Variants in TGFBR2 observed in about 807,000 individuals in gnomAD.
TGFBR2 encodes the protein transforming growth factor beta receptor 2.
In TGFBR2, 18 loss-of-function variants were observed where a neutral mutation model predicts 49.0. The observed-to-expected ratio is 0.37, with a 90% CI of 0.25 to 0.54. The LOEUF is 0.54. TGFBR2 is among the 20% of genes least tolerant of loss of function. The pLI, the probability that TGFBR2 is intolerant of heterozygous loss-of-function variation, is 0.85. For missense variants in TGFBR2, 525 were observed against 722.6 expected (o/e 0.73, Z 3.13); for synonymous variants, 282 against 275.9 (o/e 1.02, Z -0.22).
chr3:30,608,350 C>T (rs906998948), intron 1 of TGFBR2, among the ~76,000 whole-genome samples: 3 of 152,178 alleles, frequency 2.0e-5, no homozygotes, highest in African/African-American at 4.8e-5. Flanking sequence ...GTTTCCTCAT[C>T]TGTAAAATGG....
chr3:30,650,559 A>T (rs1386822689), intron 3 of TGFBR2, 99 bp downstream of exon 3: 1 of 1,296,248 alleles, frequency 7.7e-7, no homozygotes, highest in Non-Finnish European at 1.1e-6. Context: ...CCTGTGGTGG[A>T]TTGCATACAG....
intron 1 of TGFBR2, among the ~76,000 whole-genome samples, chr3:30,628,618 G>A (rs1434779970): frequency 1.5e-5 from 2 of 137,098 alleles, no homozygotes; most frequent in Admixed American, 1.6e-4. Flanking sequence ...TAATCTGTGT[G>A]CCTGGGCTCT....
At chr3:30,659,588 G>A (rs1417347075) in intron 3 of TGFBR2, among the ~76,000 whole-genome samples, 1 of 151,158 alleles carries the variant, frequency 6.6e-6, no homozygotes, top group Non-Finnish European at 1.5e-5. Context: ...GAGGCCAGAT[G>A]TGCTTTCTGG....
At chr3:30,620,629 T>C (rs1397724635) in intron 1 of TGFBR2, among the ~76,000 whole-genome samples, 1 of 152,176 alleles carries the variant, frequency 6.6e-6, no homozygotes, top group African/African-American at 2.4e-5. Flanking sequence ...TTTGATTCAT[T>C]TATTCTCTCA....
intron 2 of TGFBR2, among the ~76,000 whole-genome samples, chr3:30,645,985 C>T (rs1287143680): frequency 6.6e-6 from 1 of 152,136 alleles, no homozygotes; most frequent in Non-Finnish European, 1.5e-5. Context: ...TGTAATTTTA[C>T]AAAAGTACAT....
At chr3:30,640,187 A>G (rs1282940313) in intron 1 of TGFBR2, among the ~76,000 whole-genome samples, 4 of 152,208 alleles carry the variant, frequency 2.6e-5, no homozygotes, top group Non-Finnish European at 5.9e-5. Context: ...GAAGTGAAAT[A>G]TTATGGGCCA....
At chr3:30,667,691 G>A (rs1056840069) in intron 3 of TGFBR2, among the ~76,000 whole-genome samples, 2 of 152,146 alleles carry the variant, frequency 1.3e-5, no homozygotes, top group Non-Finnish European at 2.9e-5. Flanking sequence ...TAGCAAATAC[G>A]ACTGTTTTTA....
intron 1 of TGFBR2, among the ~76,000 whole-genome samples, chr3:30,616,384 A>G (rs1297477329): frequency 2.6e-5 from 4 of 152,328 alleles, no homozygotes. Context: ...GCAAAGATGT[A>G]ATTATCACAA....
At chr3:30,616,963 C>T (rs533501602) in intron 1 of TGFBR2, among the ~76,000 whole-genome samples, 1 of 152,108 alleles carries the variant, frequency 6.6e-6, no homozygotes, top group African/African-American at 2.4e-5. Context: ...TATTTTCATT[C>T]TCCCCTTCCT....
chr3:30,645,016 A>T (rs1460138932), intron 2 of TGFBR2, 101 bp downstream of exon 2: 1 of 1,087,814 alleles, frequency 9.2e-7, no homozygotes, highest in Non-Finnish European at 1.4e-6. Context: ...CTAAATGTAA[A>T]CACCTGTTCC....
At chr3:30,646,462 C>A (rs913315803) in intron 2 of TGFBR2, among the ~76,000 whole-genome samples, 1 of 152,082 alleles carries the variant, frequency 6.6e-6, no homozygotes, top group Non-Finnish European at 1.5e-5. Flanking sequence ...GAAGAGAGAT[C>A]GTGGGTTCTG....
chr3:30,617,790 T>G (rs1698158201), intron 1 of TGFBR2, among the ~76,000 whole-genome samples: 1 of 152,160 alleles, frequency 6.6e-6, no homozygotes, highest in Non-Finnish European at 1.5e-5. Flanking sequence ...CACTGAGAAT[T>G]TATTGGAAAT....
intron 1 of TGFBR2, among the ~76,000 whole-genome samples, chr3:30,631,018 G>A (rs571301936): frequency 1.3e-5 from 2 of 149,604 alleles, no homozygotes; most frequent in East Asian, 2.0e-4. Flanking sequence ...GGATTGCTAG[G>A]ACTTGGAAAG....
At chr3:30,658,280 A>C (rs1276966017) in intron 3 of TGFBR2, among the ~76,000 whole-genome samples, 1 of 152,218 alleles carries the variant, frequency 6.6e-6, no homozygotes, top group Non-Finnish European at 1.5e-5. Flanking sequence ...CTACACATTT[A>C]GCATACTAAT....
Position 30,672,562 on chromosome 3 carries a change from G to T in TGFBR2, c.1254+125G>T, listed in dbSNP as rs1699363257. On this transcript the variant is annotated intron_variant, in intron 4 of 6. Transcript: ENST00000295754. This position sits in a 1 kb window ranked among gnomAD's most constrained non-coding sequence, Gnocchi z 4.5. ...TCTGGACACTGGTCTAGGGAATCTAGCCAAAGTATGGAGTCTGCCTTGAGC... is the reference window on the plus strand; with the variant it reads ...TCTGGACACTGGTCTAGGGAATCTATCCAAAGTATGGAGTCTGCCTTGAGC... 1.9e-6 allele frequency: 2 copies of T among 1,078,294 alleles called. No homozygotes were observed. The highest frequency in any genetic ancestry group is 2.5e-5 in the South Asian group (2 of 78,556). 66.8% of individuals were successfully genotyped at this position (1,078,294 alleles called of 1,614,324 possible). A position where few individuals can be genotyped will look rare whatever the true frequency, so the allele number is the denominator to read the frequency against.
intron 3 of TGFBR2, among the ~76,000 whole-genome samples, chr3:30,656,675 G>A (rs1699006383): frequency 1.3e-5 from 2 of 152,202 alleles, no homozygotes; most frequent in African/African-American, 2.4e-5. Context: ...GCTCCCAAAT[G>A]ACTGGATCTT....
At chr3:30,632,345 A>G (rs1318144761) in intron 1 of TGFBR2, among the ~76,000 whole-genome samples, 1 of 152,186 alleles carries the variant, frequency 6.6e-6, no homozygotes, top group Non-Finnish European at 1.5e-5. Context: ...TGAAAATTGA[A>G]CTGGATTCTC....
chr3:30,668,935 A>G (rs906756978), intron 3 of TGFBR2, among the ~76,000 whole-genome samples: 3 of 152,010 alleles, frequency 2.0e-5, no homozygotes, highest in East Asian at 3.9e-4. Context: ...ATAAACCTTA[A>G]AAATGGATAT....
intron 1 of TGFBR2, among the ~76,000 whole-genome samples, chr3:30,629,013 C>G (rs572954681): frequency 3.3e-5 from 5 of 152,156 alleles, no homozygotes; most frequent in African/African-American, 1.2e-4. Flanking sequence ...CTTTCCAATG[C>G]GATTACTTTT....
Sources: gnomAD v4.1 joint callset for allele counts (sites outside exome capture counted in the v4.1 genomes callset) on GRCh38, gnomAD v4.1.1 for gene constraint, Gnocchi (gnomAD v3.1) non-coding constraint, MANE v1.5 for transcripts, NCBI Gene and HGNC (gene_info 2026-07-23, HGNC 2026-07-21) for gene names.